KIRREL1: variants seen among roughly 807,000 people sequenced by gnomAD.
The protein encoded by KIRREL1 is kin of IRRE-like protein 1.
In KIRREL1, 25 loss-of-function variants were observed where a neutral mutation model predicts 83.3. The observed-to-expected ratio is 0.30, with a 90% confidence interval of 0.22 to 0.42. KIRREL1 has a LOEUF of 0.42. KIRREL1 is among the 10% of genes least tolerant of loss of function. The pLI is 1.00. For missense variants in KIRREL1, 812 were observed against 1,032.3 expected, an observed-to-expected ratio of 0.79 and a Z score of 2.92; for synonymous variants, 388 against 410.4, an observed-to-expected ratio of 0.95 and a Z score of 0.66.
At chr1:158,028,745 T>G (rs1660239540) in intron 1 of KIRREL1, among the ~76,000 whole-genome samples, 1 of 152,226 alleles carries the variant, frequency 6.6e-6, no homozygotes, top group Admixed American at 6.5e-5. Context: ...TATTTAATTT[T>G]CACTACAGTC....
At position 158,017,075 on chromosome 1, in the gene KIRREL1, A is replaced by G. The variant is rs35271630; in HGVS notation, c.52+23347A>G. ...ACGGAGCATTTACTATATGTTAGGC[A>G]CTGTTAGGTGCTCTGGATGTGTCAA... On this transcript the variant is annotated intron_variant, in intron 1 of 14. Transcript: ENST00000359209. Among the ~76,000 whole-genome samples, 460 of 152,310 alleles carry G rather than the reference A, an allele frequency of 3.0e-3. 2 individuals carry two copies. The highest frequency in any genetic ancestry group is 4.7e-3 in the Non-Finnish European group (323 of 68,022).
At chr1:157,993,837 G>C in intron 1 of KIRREL1, 109 bp downstream of exon 1, 1 of 628,638 alleles carries the variant, frequency 1.6e-6, no homozygotes, top group Non-Finnish European at 2.5e-6. Flanking sequence ...GCCAGTCCCC[G>C]GGTCCGGACG....
At chr1:158,054,640 C>T (rs2101596592) in intron 1 of KIRREL1, among the ~76,000 whole-genome samples, 1 of 152,286 alleles carries the variant, frequency 6.6e-6, no homozygotes, top group East Asian at 1.9e-4. Context: ...CTGTGTGCCT[C>T]ACCCACGGTC....
At chr1:158,065,079 ATCTGGATTTACTTCTGGTTCT>A (rs1661325157) in intron 1 of KIRREL1, among the ~76,000 whole-genome samples, 1 of 152,040 alleles carries the variant, frequency 6.6e-6, no homozygotes, top group Non-Finnish European at 1.5e-5. Flanking sequence ...GTATCAGAAG[ATCTGGATTTACTTCTGGTTCT>A]TTGGTTTCAG....
At chr1:158,077,317 T>C (rs940948350) in intron 2 of KIRREL1, among the ~76,000 whole-genome samples, 10 of 151,958 alleles carry the variant, frequency 6.6e-5, no homozygotes, top group Non-Finnish European at 1.2e-4. Flanking sequence ...GTGAGATCAA[T>C]AGATATGGAG....
At chr1:158,024,693 A>C (rs1449897136) in intron 1 of KIRREL1, among the ~76,000 whole-genome samples, 1 of 152,172 alleles carries the variant, frequency 6.6e-6, no homozygotes, top group Admixed American at 6.5e-5. Context: ...ACCTGAAAAC[A>C]TAACGGTTTA....
chr1:158,026,346 A>G (rs761887313), intron 1 of KIRREL1, among the ~76,000 whole-genome samples: 1 of 152,164 alleles, frequency 6.6e-6, no homozygotes, highest in South Asian at 2.1e-4. Flanking sequence ...TAGGTCTAGT[A>G]TATCTTCACT....
intron 2 of KIRREL1, among the ~76,000 whole-genome samples, chr1:158,077,362 T>A (rs1000814140): frequency 6.6e-6 from 1 of 151,860 alleles, no homozygotes; most frequent in African/African-American, 2.4e-5. Context: ...CAGAGGGAGA[T>A]CATGGGAAGG....
intron 11 of KIRREL1, among the ~76,000 whole-genome samples, 169 bp downstream of exon 11, chr1:158,091,725 G>A (rs1662203205): frequency 6.6e-6 from 1 of 152,204 alleles, no homozygotes; most frequent in Non-Finnish European, 1.5e-5. Context: ...GAAGGGGTTT[G>A]GGGCTACTCC....
rs1166442522 is a variant in KIRREL1, at chr1:158,094,809, C to T, written c.1963C>T (p.Arg655Trp). 7 of 1,613,960 alleles carry T rather than the reference C, an allele frequency of 4.3e-6. No individual in the cohort carries two copies. Among genetic ancestry groups the T allele is most frequent in the Admixed American group, 1.7e-5 (1 of 60,008 alleles). Reference protein sequence around the residue: ...SGYAQLNTYSRGPASDYGPEP... With the variant: ...SGYAQLNTYSWGPASDYGPEP... Reference sequence around the variant, plus strand: ...CTATGCCCAGCTCAACACCTATAGCCGGGGCCCTGCCTCTGACTATGGCCC... The same window carrying T: ...CTATGCCCAGCTCAACACCTATAGCTGGGGCCCTGCCTCTGACTATGGCCC... The change falls in exon 15 of 15, where the codon CGG becomes TGG. Residue 655 changes from arginine (R) to tryptophan (W), a missense_variant. By Grantham distance (101) the Arg-to-Trp change is moderately radical. Around this residue, in one of 3 missense-constraint regions of KIRREL1, gnomAD observed 334 missense variants for 383.7 expected, o/e 0.87. Coordinates refer to ENST00000359209, the MANE Select transcript of KIRREL1 (RefSeq NM_018240.7). This position sits in a 1 kb window ranked among gnomAD's most constrained non-coding sequence, Gnocchi z 4.6.
intron 1 of KIRREL1, among the ~76,000 whole-genome samples, chr1:158,015,355 C>T (rs1485850450): frequency 2.0e-5 from 3 of 152,212 alleles, no homozygotes; most frequent in African/African-American, 7.2e-5. Flanking sequence ...CCGCTGTTAT[C>T]ACCCACCTCC....
chr1:158,079,330 T>C (rs1199408995), intron 3 of KIRREL1, among the ~76,000 whole-genome samples: 8 of 152,166 alleles, frequency 5.3e-5, no homozygotes, highest in Non-Finnish European at 7.4e-5. Flanking sequence ...GGTTGATTGG[T>C]TGGTGTTTTT....
chr1:158,079,151 T>C (rs779577726), intron 3 of KIRREL1, among the ~76,000 whole-genome samples: 17 of 152,230 alleles, frequency 1.1e-4, no homozygotes, highest in Non-Finnish European at 2.4e-4. Flanking sequence ...TCTGTCCCTT[T>C]TTTTTCTGCC....
chr1:158,059,443 A>G (rs1661152846), intron 1 of KIRREL1, among the ~76,000 whole-genome samples: 1 of 152,166 alleles, frequency 6.6e-6, no homozygotes, highest in Non-Finnish European at 1.5e-5. Context: ...TTGAGAATTC[A>G]GGGGCCAACA....
chr1:158,047,460 G>A (rs4971122), intron 1 of KIRREL1, among the ~76,000 whole-genome samples: 120,073 of 152,166 alleles, frequency 0.79, 48,375 homozygotes, highest in East Asian at 0.99. Flanking sequence ...TCTGATAACC[G>A]AGAGCCTATT....
At chr1:158,002,283 C>T (rs1042418254) in intron 1 of KIRREL1, among the ~76,000 whole-genome samples, 2 of 152,224 alleles carry the variant, frequency 1.3e-5, no homozygotes, top group Non-Finnish European at 2.9e-5. Flanking sequence ...CTGTCCCCCC[C>T]AAGCTTGGGC....
At chr1:158,009,322 A>G (rs1325486795) in intron 1 of KIRREL1, among the ~76,000 whole-genome samples, 1 of 152,204 alleles carries the variant, frequency 6.6e-6, no homozygotes, top group East Asian at 1.9e-4. Context: ...CTTCTTTGCC[A>G]TTAACTAGCA....
intron 1 of KIRREL1, among the ~76,000 whole-genome samples, chr1:158,057,876 C>T (rs906256215): frequency 3.3e-5 from 5 of 152,194 alleles, no homozygotes; most frequent in African/African-American, 7.2e-5. Flanking sequence ...ATCTGGAAAA[C>T]GAGGCCATTG....
chr1:158,082,834 T>C (rs766811494), intron 3 of KIRREL1, among the ~76,000 whole-genome samples: 1 of 152,026 alleles, frequency 6.6e-6, no homozygotes, highest in Non-Finnish European at 1.5e-5. Flanking sequence ...AGCATGATGG[T>C]GTGTACCTGT....
Sources: allele counts gnomAD v4.1 joint callset (sites outside exome capture counted in the v4.1 genomes callset), GRCh38; gene constraint gnomAD v4.1.1; regional missense constraint gnomAD v4.1.1; non-coding constraint Gnocchi (gnomAD v3.1); transcripts MANE v1.5; gene names NCBI Gene and HGNC (gene_info 2026-07-23, HGNC 2026-07-21).